BHMT: variants seen among roughly 807,000 people sequenced by gnomAD.
BHMT encodes the protein betaine--homocysteine S-methyltransferase.
A neutral mutation model predicts 49.5 loss-of-function variants in BHMT; 38 were observed. That is an observed-to-expected ratio of 0.77 (90% CI 0.59 to 1.01). BHMT has a LOEUF of 1.01. Among genes scored for constraint, BHMT ranks in the 50% least tolerant of loss-of-function variants. The pLI is 0.00. For missense variants in BHMT, 426 were observed against 495.7 expected (o/e 0.86, Z 1.34); for synonymous variants, 166 against 176.3 (o/e 0.94, Z 0.46).
chr5:79,126,306 G>C, intron 6 of BHMT, 78 bp downstream of exon 6: 1 of 1,505,878 alleles, frequency 6.6e-7, no homozygotes, highest in Non-Finnish European at 9.1e-7. Flanking sequence ...TATACCCAGA[G>C]ATCTTTTGTC....
chr5:79,126,673 C>T (rs1470709273), intron 6 of BHMT, among the ~76,000 whole-genome samples: 1 of 152,112 alleles, frequency 6.6e-6, no homozygotes, highest in Non-Finnish European at 1.5e-5. Context: ...GTCCTTTTCT[C>T]CAATTTTTAA....
At chr5:79,115,636 A>T in intron 1 of BHMT, 131 bp from the exon 2 acceptor site, 1 of 1,021,196 alleles carries the variant, frequency 9.8e-7, no homozygotes, top group Non-Finnish European at 1.4e-6. Flanking sequence ...GTATATATAA[A>T]ATATACATTT....
At chr5:79,120,076 C>T (rs1488869613) in intron 3 of BHMT, among the ~76,000 whole-genome samples, 1 of 152,080 alleles carries the variant, frequency 6.6e-6, no homozygotes, top group Non-Finnish European at 1.5e-5. Context: ...TGGAAGATAC[C>T]AGATAACATC....
rs1017436777 is a variant in BHMT, at chr5:79,132,116, T to C, written c.*1000T>C. ...GATATTTTTCTCTGATAATTTAATA[T>C]CTACTCTCCTACAAAAGCTCAAGCC... is the stretch of plus-strand genomic sequence containing the variant. On this transcript the variant is annotated 3_prime_UTR_variant, in exon 8 of 8. Transcript: ENST00000274353. The C allele has an allele frequency of 2.6e-5, 4 of 152,214 alleles. No individual in the cohort carries two copies. Among genetic ancestry groups the C allele is most frequent in the Admixed American group, 2.0e-4 (3 of 15,274 alleles). The allele number at this position is 152,214 out of a possible 1,614,324, so 9.4% of individuals were successfully genotyped here. A position where few individuals can be genotyped will look rare whatever the true frequency, so the allele number is the denominator to read the frequency against.
intron 7 of BHMT, among the ~76,000 whole-genome samples, chr5:79,128,487 G>A (rs1023776217): frequency 1.4e-5 from 2 of 141,382 alleles, no homozygotes; most frequent in African/African-American, 2.6e-5. Context: ...CCAAGATCAC[G>A]CCACTGCACT....
chr5:79,111,982 C>T (rs56047138), intron 1 of BHMT, 64 bp downstream of exon 1: 142,131 of 1,479,516 alleles, frequency 0.096, 7,219 homozygotes, highest in Non-Finnish European at 0.11. Context: ...ATCCCAGCCT[C>T]TGGGAGCGCA....
At chr5:79,119,873 A>G (rs932913061) in intron 3 of BHMT, among the ~76,000 whole-genome samples, 5 of 152,224 alleles carry the variant, frequency 3.3e-5, no homozygotes, top group Non-Finnish European at 1.5e-5. Context: ...ATAACAAACA[A>G]CTTTTAAAGT....
intron 1 of BHMT, among the ~76,000 whole-genome samples, chr5:79,115,303 GAAA>G (rs879528470): frequency 7.9e-6 from 1 of 126,354 alleles, no homozygotes; most frequent in African/African-American, 2.8e-5. Context: ...CTGTCTCTAA[GAAA>G]AAAAAAAAAA....
intron 5 of BHMT, among the ~76,000 whole-genome samples, chr5:79,122,868 A>G (rs193281815): frequency 6.6e-6 from 1 of 152,296 alleles, no homozygotes; most frequent in Admixed American, 6.5e-5. Context: ...AGAGAGGAAT[A>G]TGGGAGAGAC....
In BHMT at chr5:79,121,400, A is replaced by G. The variant is rs200521010; in HGVS notation, c.625+35A>G. On this transcript the variant is annotated intron_variant, in intron 5 of 7. Coordinates refer to ENST00000274353, the MANE Select transcript of BHMT (RefSeq NM_001713.3). ...GATTTCAATCAGTTTGTGATTAGTAAGTCTTAAAAGAACACACTAGTGCAC... is the reference window on the plus strand; with the variant it reads ...GATTTCAATCAGTTTGTGATTAGTAGGTCTTAAAAGAACACACTAGTGCAC... 4.3e-6 allele frequency: 7 copies of G among 1,612,752 alleles called. No individual in the cohort carries two copies. The East Asian group carries it at 1.6e-4, about 36-fold the overall frequency.
Position 79,121,362 on chromosome 5 carries a change from G to A in BHMT, c.622G>A (p.Ala208Thr). The A allele has an allele frequency of 6.2e-7, 1 of 1,614,114 alleles. No individual in the cohort carries two copies. The highest frequency in any genetic ancestry group is 8.5e-7 in the Non-Finnish European group (1 of 1,179,950). The change falls in exon 5 of 8, where the codon GCA becomes ACA. Residue 208 changes from alanine to threonine, a missense_variant. By Grantham distance (58) the Ala-to-Thr change is moderately conservative. Around this residue, in one of 3 missense-constraint regions of BHMT, gnomAD observed 321 missense variants for 355.9 expected, o/e 0.90. Transcript: ENST00000274353. The stretch of plus-strand genomic sequence containing the variant: ...CGAGTGTGCAGTGCGCCTGGTGAAA[G>A]CAGGTGATGATAGATTTCAATCAGT... ...PGECAVRLVK[A>T]GASIIGVNCH...
At chr5:79,113,268 C>A (rs1756335429) in intron 1 of BHMT, among the ~76,000 whole-genome samples, 1 of 152,138 alleles carries the variant, frequency 6.6e-6, no homozygotes, top group South Asian at 2.1e-4. Flanking sequence ...AATGAATAGT[C>A]CACAGAGACT....
intron 7 of BHMT, 77 bp downstream of exon 7, chr5:79,128,060 A>C (rs919748921): frequency 2.0e-6 from 3 of 1,493,692 alleles, no homozygotes; most frequent in Non-Finnish European, 2.7e-6. Context: ...AGACTGCAGC[A>C]AATTTGTTGT....
chr5:79,123,965 A>G (rs1262156208), intron 5 of BHMT, among the ~76,000 whole-genome samples: 1 of 152,214 alleles, frequency 6.6e-6, no homozygotes, highest in East Asian at 1.9e-4. Flanking sequence ...ATAAGAAGAA[A>G]TGAAGTTCTC....
intron 4 of BHMT, among the ~76,000 whole-genome samples, chr5:79,120,910 T>C (rs779285919): frequency 6.6e-6 from 1 of 152,192 alleles, no homozygotes; most frequent in Non-Finnish European, 1.5e-5. Context: ...CCCAGCACTT[T>C]GGGAGGCCAA....
intron 5 of BHMT, among the ~76,000 whole-genome samples, chr5:79,124,512 TGAGAG>T (rs145340537): frequency 0.014 from 2,076 of 151,884 alleles, 47 homozygotes; most frequent in African/African-American, 0.048. Flanking sequence ...CCTCCCACTT[TGAGAG>T]GAGAGAGTAA....
intron 1 of BHMT, among the ~76,000 whole-genome samples, chr5:79,114,174 A>T (rs563917441): frequency 1.1e-4 from 16 of 151,380 alleles, no homozygotes; most frequent in African/African-American, 3.6e-4. Context: ...CAGTTTTCAG[A>T]TGTGACATTT....
intron 5 of BHMT, among the ~76,000 whole-genome samples, chr5:79,125,772 AAAAC>A (rs1198697623): frequency 1.1e-4 from 17 of 151,960 alleles, no homozygotes; most frequent in Admixed American, 9.2e-4. Context: ...TATCTATAAA[AAAAC>A]AAACAAACAA....
intron 5 of BHMT, among the ~76,000 whole-genome samples, chr5:79,123,531 G>T (rs1017990554): frequency 1.7e-4 from 15 of 88,118 alleles, no homozygotes; most frequent in Non-Finnish European, 3.5e-4. Flanking sequence ...TTGGTTGGTT[G>T]GTTGGTTGGT....
Sources: allele counts gnomAD v4.1 joint callset (sites outside exome capture counted in the v4.1 genomes callset), GRCh38; gene constraint gnomAD v4.1.1; regional missense constraint gnomAD v4.1.1; transcripts MANE v1.5; gene names NCBI Gene and HGNC (gene_info 2026-07-23, HGNC 2026-07-21).